The following GRM7 variants were observed in gnomAD, a reference collection of about 807,000 sequenced individuals.
GRM7 encodes the protein metabotropic glutamate receptor 7.
Under a neutral mutation model 84.5 loss-of-function variants are expected in GRM7, and 35 were observed. The observed-to-expected ratio is 0.41, with a 90% CI of 0.32 to 0.55. GRM7 has a LOEUF of 0.55. Among genes scored for constraint, GRM7 ranks in the 20% least tolerant of loss-of-function variants. The probability of loss-of-function intolerance (pLI) is 0.19; values close to 1 mark genes in which losing one functional copy is unlikely to be tolerated. For synonymous variants in GRM7, 487 were observed against 455.1 expected (o/e 1.07, Z -0.89); for missense variants, 1,003 against 1,194.6 (o/e 0.84, Z 2.36).
At chr3:7,597,237 G>A (rs1575537589) in intron 8 of GRM7, among the ~76,000 whole-genome samples, 1 of 151,946 alleles carries the variant, frequency 6.6e-6, no homozygotes, top group Non-Finnish European at 1.5e-5. Flanking sequence ...AGAGAGTGGG[G>A]GGAGGTGCCA....
chr3:6,887,558 A>G (rs1695748086), intron 1 of GRM7, among the ~76,000 whole-genome samples: 1 of 152,098 alleles, frequency 6.6e-6, no homozygotes, highest in South Asian at 2.1e-4. Context: ...AAGGACATGA[A>G]CTCATCATTT....
At chr3:7,595,005 A>G (rs192757307) in intron 8 of GRM7, among the ~76,000 whole-genome samples, 5 of 151,950 alleles carry the variant, frequency 3.3e-5, no homozygotes, top group African/African-American at 1.2e-4. Flanking sequence ...TTCTTATCCT[A>G]TGTCCTCTTG....
chr3:7,654,977 G>A (rs1307955613), intron 8 of GRM7, among the ~76,000 whole-genome samples: 1 of 152,068 alleles, frequency 6.6e-6, no homozygotes, highest in African/African-American at 2.4e-5. Flanking sequence ...GGAAGTCAAT[G>A]CACTTACATG....
At chr3:7,166,858 A>AT (rs745432236) in intron 2 of GRM7, among the ~76,000 whole-genome samples, 14 of 152,316 alleles carry the variant, frequency 9.2e-5, no homozygotes, top group Non-Finnish European at 1.8e-4. Flanking sequence ...TTGCCTTAGC[A>AT]TTTATCTGGC....
chr3:7,099,355 T>TGC (rs1431252047), intron 1 of GRM7, among the ~76,000 whole-genome samples: 2 of 147,196 alleles, frequency 1.4e-5, no homozygotes, highest in African/African-American at 5.0e-5. Context: ...TGTATATATG[T>TGC]ACACATGTAT....
At chr3:7,612,857 A>G (rs1696905635) in intron 8 of GRM7, among the ~76,000 whole-genome samples, 1 of 152,198 alleles carries the variant, frequency 6.6e-6, no homozygotes, top group African/African-American at 2.4e-5. Flanking sequence ...AAAGAGGACC[A>G]ATTAGATTCA....
At chr3:7,243,317 G>T (rs903043560) in intron 2 of GRM7, among the ~76,000 whole-genome samples, 2 of 152,016 alleles carry the variant, frequency 1.3e-5, no homozygotes, top group Non-Finnish European at 2.9e-5. Context: ...TATAGGTAAG[G>T]TTGAGGCTTG....
At chr3:7,102,666 G>A (rs1389640425) in intron 1 of GRM7, among the ~76,000 whole-genome samples, 6 of 151,714 alleles carry the variant, frequency 4.0e-5, no homozygotes, top group Admixed American at 6.6e-5. Context: ...TTCTCCTTCC[G>A]AAACTTCAAT....
chr3:7,044,032 A>G (rs1696719057), intron 1 of GRM7, among the ~76,000 whole-genome samples: 1 of 152,230 alleles, frequency 6.6e-6, no homozygotes, highest in African/African-American at 2.4e-5. Flanking sequence ...ACTTTAGCTC[A>G]TCACTCAAAG....
At position 7,149,193 on chromosome 3, in the gene GRM7, G is replaced by A. The variant is rs1694201636; in HGVS notation, c.736+2525G>A. Reference sequence around the variant, plus strand: ...CCCCTTCTTTTCAATTAGAAGAAAGGAAGAAAGAAAGATTATTAGCTTAAA... The same window carrying A: ...CCCCTTCTTTTCAATTAGAAGAAAGAAAGAAAGAAAGATTATTAGCTTAAA... On this transcript the variant is annotated intron_variant, in intron 2 of 9. Coordinates refer to ENST00000357716, the MANE Select transcript of GRM7 (RefSeq NM_000844.4). Among the ~76,000 whole-genome samples the A allele has an allele frequency of 3.9e-5, 6 of 152,186 alleles. 1 individual carries two copies. The South Asian group carries it at 1.2e-3, about 32-fold the overall frequency.
chr3:6,969,208 C>A (rs1443672863), intron 1 of GRM7, among the ~76,000 whole-genome samples: 1 of 151,970 alleles, frequency 6.6e-6, no homozygotes, highest in Non-Finnish European at 1.5e-5. Flanking sequence ...CCCATCAGGG[C>A]AGGTTAGGTA....
intron 8 of GRM7, among the ~76,000 whole-genome samples, chr3:7,665,441 C>T (rs929900875): frequency 1.3e-5 from 2 of 151,968 alleles, no homozygotes; most frequent in African/African-American, 4.8e-5. Context: ...TCCCAAAGTG[C>T]TGGGATTACA....
At chr3:7,015,008 C>G (rs1166693053) in intron 1 of GRM7, among the ~76,000 whole-genome samples, 4 of 152,122 alleles carry the variant, frequency 2.6e-5, no homozygotes, top group Admixed American at 6.6e-5. Flanking sequence ...TAAAATGGAC[C>G]AATCAGCACT....
At chr3:7,161,051 C>T (rs1317239142) in intron 2 of GRM7, among the ~76,000 whole-genome samples, 1 of 152,076 alleles carries the variant, frequency 6.6e-6, no homozygotes, top group Admixed American at 6.5e-5. Context: ...GGGAGGAAAA[C>T]ATTCTAAAAT....
At chr3:7,035,488 G>A (rs563637386) in intron 1 of GRM7, among the ~76,000 whole-genome samples, 2 of 152,234 alleles carry the variant, frequency 1.3e-5, no homozygotes, top group East Asian at 3.9e-4. Flanking sequence ...CTATTTCAAG[G>A]CCTATACAAA....
At chr3:7,243,283 A>C (rs1240427239) in intron 2 of GRM7, among the ~76,000 whole-genome samples, 1 of 152,096 alleles carries the variant, frequency 6.6e-6, no homozygotes, top group African/African-American at 2.4e-5. Flanking sequence ...CTTAAGGTAA[A>C]ACAGTATTTA....
chr3:7,280,023 G>A (rs1699201490), intron 2 of GRM7, among the ~76,000 whole-genome samples: 2 of 152,132 alleles, frequency 1.3e-5, no homozygotes, highest in South Asian at 4.1e-4. Context: ...TCTTGCCAGT[G>A]TTATTTCCAG....
chr3:7,394,442 C>T (rs1422946244), intron 4 of GRM7, among the ~76,000 whole-genome samples: 1 of 152,124 alleles, frequency 6.6e-6, no homozygotes, highest in African/African-American at 2.4e-5. Flanking sequence ...TTGTTTGCCA[C>T]TGAAAGAGAA....
chr3:7,490,324 A>G (rs1461430121), intron 7 of GRM7, among the ~76,000 whole-genome samples: 1 of 152,146 alleles, frequency 6.6e-6, no homozygotes, highest in Non-Finnish European at 1.5e-5. Context: ...GCAAAATATG[A>G]GCTACACACA....
Sources: allele counts gnomAD v4.1 joint callset (sites outside exome capture counted in the v4.1 genomes callset), GRCh38; gene constraint gnomAD v4.1.1; transcripts MANE v1.5; gene names NCBI Gene and HGNC (gene_info 2026-07-23, HGNC 2026-07-21).